WDR55: variants seen among roughly 807,000 people sequenced by gnomAD.
WDR55 encodes the protein WD repeat-containing protein 55.
In WDR55, 31 loss-of-function variants were observed where a neutral mutation model predicts 34.0. The observed-to-expected ratio is 0.91, with a 90% CI of 0.69 to 1.23. The LOEUF is 1.23. WDR55 is among the 50% of genes most tolerant of loss of function. The pLI, the probability that WDR55 is intolerant of heterozygous loss-of-function variation, is 0.00. For synonymous variants in WDR55, 164 were observed against 185.9 expected (o/e 0.88, Z 0.96); for missense variants, 440 against 494.6 (o/e 0.89, Z 1.05).
chr5:140,664,911 G>T lies in WDR55; in HGVS notation c.-2G>T. 1.9e-6 allele frequency: 3 copies of T among 1,596,530 alleles called. No individual in the cohort carries two copies. The South Asian group carries it at 3.4e-5, about 18-fold the overall frequency. ...GCGGCGCGGCTCGCAGTCCTTCTCA[G>T]CATGGACCGCACTTGTGAGGAGAGG... On this transcript the variant is annotated 5_prime_UTR_variant, in exon 1 of 7. Coordinates refer to ENST00000358337, the MANE Select transcript of WDR55 (RefSeq NM_017706.5).
At position 140,668,402 on chromosome 5, in the gene WDR55, AC is replaced by A. The variant is rs763367694; in HGVS notation, c.293-11del. 2.5e-6 allele frequency: 4 copies of A among 1,614,074 alleles called. No individual in the cohort carries two copies. The African/African-American group carries it at 5.3e-5, about 22-fold the overall frequency. On this transcript the variant is annotated splice_polypyrimidine_tract_variant and intron_variant, in intron 2 of 6. Transcript: ENST00000358337. The stretch of plus-strand genomic sequence containing the variant: ...CAGTGAGCAGCACCATGACCTGGGC[AC>A]CTTTTCCCCAGAGCTCATTACTGTC...
In WDR55 at chr5:140,669,008, G is replaced by A. The variant is rs961058679; in HGVS notation, c.660+18G>A. The A allele has an allele frequency of 1.9e-6, 3 of 1,614,088 alleles. No homozygotes were observed. The highest frequency in any genetic ancestry group is 2.5e-6 in the Non-Finnish European group (3 of 1,180,040). ...TCATGAAAGTACAGCTGGTTATGGTGGGATGGAGGGGTGTGTGCTGGGGGC... is the reference window on the plus strand; with the variant it reads ...TCATGAAAGTACAGCTGGTTATGGTAGGATGGAGGGGTGTGTGCTGGGGGC... On this transcript the variant is annotated intron_variant, in intron 5 of 6. Coordinates refer to ENST00000358337, the MANE Select transcript of WDR55 (RefSeq NM_017706.5).
At position 140,671,897 on chromosome 5, in the gene WDR55, C is replaced by A; in HGVS notation, c.*2243C>A. On this transcript the variant is annotated 3_prime_UTR_variant, in exon 7 of 7. Transcript: ENST00000358337. Reference sequence around the variant, plus strand: ...CCATGGGTAAGAAAAGACAATGAAGCCTTCAGCCTCCATTATTTGCAAAGG... The same window carrying A: ...CCATGGGTAAGAAAAGACAATGAAGACTTCAGCCTCCATTATTTGCAAAGG... 1 of 864,300 alleles carries A rather than the reference C, an allele frequency of 1.2e-6. No homozygotes were observed. The highest frequency in any genetic ancestry group is 1.5e-5 in the South Asian group (1 of 66,878). 53.5% of individuals were successfully genotyped at this position (864,300 alleles called of 1,614,324 possible). A position where few individuals can be genotyped will look rare whatever the true frequency, so the allele number is the denominator to read the frequency against.
chr5:140,668,940 C>T lies in WDR55; in HGVS notation c.610C>T (p.Leu204=). ...IFNIKRRRFE[L]LSEPQSGDLT... ...CAACATTAAGAGGCGTCGGTTTGAG[C>T]TGCTCTCAGAACCTCAGTCTGGGGA... The change falls in exon 5 of 7, where the codon CTG becomes TTG. Residue 204 remains leucine (L), a synonymous_variant. Transcript: ENST00000358337. 1 of 1,614,240 alleles carries T rather than the reference C, an allele frequency of 6.2e-7. No individual in the cohort carries two copies.
rs938329117 is a variant in WDR55, at chr5:140,671,000, G to T, written c.*1346G>T. ...AGATTCATGCTAAGCTGTGGCAGAG[G>T]GGGGAAGGTATGATCGGGTGGGGGT... On this transcript the variant is annotated 3_prime_UTR_variant, in exon 7 of 7. Coordinates refer to ENST00000358337, the MANE Select transcript of WDR55 (RefSeq NM_017706.5). 5.8e-6 allele frequency: 3 copies of T among 518,726 alleles called. No homozygotes were observed. The highest frequency in any genetic ancestry group is 3.2e-5 in the Admixed American group (1 of 31,310). The allele number at this position is 518,726 out of a possible 1,614,324, so 32.1% of individuals were successfully genotyped here. A position where few individuals can be genotyped will look rare whatever the true frequency, so the allele number is the denominator to read the frequency against.
intron 1 of WDR55, chr5:140,666,820 G>T: frequency 1.0e-6 from 1 of 985,394 alleles, no homozygotes; most frequent in Non-Finnish European, 1.2e-6. Flanking sequence ...CACTGTTCTG[G>T]AGTGTAATCT....
intron 1 of WDR55, among the ~76,000 whole-genome samples, chr5:140,666,321 G>A (rs887016431): frequency 1.1e-4 from 17 of 152,130 alleles, no homozygotes; most frequent in Non-Finnish European, 2.1e-4. Context: ...GCTTGAACCT[G>A]GGAGGTGGAG....
At position 140,669,884 on chromosome 5, in the gene WDR55, A is replaced by C; in HGVS notation, c.*230A>C. On this transcript the variant is annotated 3_prime_UTR_variant, in exon 7 of 7. Transcript: ENST00000358337. ...GCTGGGACTACAGGTGTGCACTACCACACCAGGCCAATTTTTGTTTTTTTT... is the reference window on the plus strand; with the variant it reads ...GCTGGGACTACAGGTGTGCACTACCCCACCAGGCCAATTTTTGTTTTTTTT... The C allele has an allele frequency of 2.1e-6, 1 of 482,244 alleles. No individual in the cohort carries two copies. The highest frequency in any genetic ancestry group is 3.6e-6 in the Non-Finnish European group (1 of 275,192). The allele number at this position is 482,244 out of a possible 1,614,324, so 29.9% of individuals were successfully genotyped here.
At position 140,671,697 on chromosome 5, in the gene WDR55, G is replaced by C. The variant is rs867899860; in HGVS notation, c.*2043G>C. 1.9e-6 allele frequency: 3 copies of C among 1,585,098 alleles called. No homozygotes were observed. The highest frequency in any genetic ancestry group is 4.6e-5 in the East Asian group (2 of 43,948). ...AGCTGCTGGCGAAGTCGCTGCTTCA[G>C]GTCTGGCTTGAGCCACTCCACAGCC... On this transcript the variant is annotated 3_prime_UTR_variant, in exon 7 of 7. Coordinates refer to ENST00000358337, the MANE Select transcript of WDR55 (RefSeq NM_017706.5).
rs2149815079 is a variant in WDR55 at position 140,671,648 on chromosome 5, G to A, written c.*1994G>A. Reference sequence around the variant, plus strand: ...AGCCAACTGGCTGCCCTCTGGCTGTGGGGACCGCAAGAAGGGACCCACAAG... The same window carrying A: ...AGCCAACTGGCTGCCCTCTGGCTGTAGGGACCGCAAGAAGGGACCCACAAG... On this transcript the variant is annotated 3_prime_UTR_variant, in exon 7 of 7. Transcript: ENST00000358337. The A allele has an allele frequency of 6.3e-7, 1 of 1,580,116 alleles. No individual in the cohort carries two copies. Among genetic ancestry groups the A allele is most frequent in the South Asian group, 1.2e-5 (1 of 86,538 alleles).
intron 1 of WDR55, among the ~76,000 whole-genome samples, chr5:140,665,930 G>A (rs1387507799): frequency 6.6e-6 from 1 of 151,792 alleles, no homozygotes; most frequent in Admixed American, 6.6e-5. Context: ...GGATTCGGGC[G>A]GTGGAGGTTG....
rs546856785 is a variant in WDR55 at position 140,669,032 on chromosome 5, G to C, written c.660+42G>C. 34 of 1,614,118 alleles carry C rather than the reference G, an allele frequency of 2.1e-5. No homozygotes were observed. The South Asian group carries it at 3.6e-4, about 17-fold the overall frequency. On this transcript the variant is annotated intron_variant, in intron 5 of 6. Coordinates refer to ENST00000358337, the MANE Select transcript of WDR55 (RefSeq NM_017706.5). ...TGGGATGGAGGGGTGTGTGCTGGGG[G>C]CTTAGTCTGAGGCAGCTTCCACATT...
chr5:140,668,857 C>T (rs1024279889), intron 4 of WDR55, 34 bp from the exon 5 acceptor site: 69 of 1,613,906 alleles, frequency 4.3e-5, no homozygotes, highest in Non-Finnish European at 5.8e-5. Flanking sequence ...TCAAATAGAC[C>T]TTGCGTCTAA....
chr5:140,666,954 A>G, intron 1 of WDR55: 7 of 985,494 alleles, frequency 7.1e-6, no homozygotes, highest in Non-Finnish European at 8.4e-6. Flanking sequence ...TGTTATGCTT[A>G]TCAGATTTAC....
chr5:140,665,242 C>T (rs1039159488), intron 1 of WDR55, 139 bp downstream of exon 1: 4 of 717,936 alleles, frequency 5.6e-6, no homozygotes, highest in Admixed American at 6.3e-5. Flanking sequence ...TAACATTCGG[C>T]TCTTCTATCA....
chr5:140,669,668 A>C lies in WDR55; in HGVS notation c.*14A>C. 20 of 1,605,740 alleles carry C rather than the reference A, an allele frequency of 1.2e-5. No individual in the cohort carries two copies. The highest frequency in any genetic ancestry group is 1.7e-5 in the Non-Finnish European group (20 of 1,174,688). The stretch of plus-strand genomic sequence containing the variant: ...GACAGTGACTGAAGGAATGAATTGA[A>C]TCTTGAGACGGGTCCTCACCAGGCA... On this transcript the variant is annotated 3_prime_UTR_variant, in exon 7 of 7. Coordinates refer to ENST00000358337, the MANE Select transcript of WDR55 (RefSeq NM_017706.5).
In WDR55 at chr5:140,669,263, G is replaced by C; in HGVS notation, c.830+15G>C. 6.2e-7 allele frequency: 1 copy of C among 1,613,462 alleles called. No individual in the cohort carries two copies. Among genetic ancestry groups the C allele is most frequent in the Non-Finnish European group, 8.5e-7 (1 of 1,179,948 alleles). ...GGAGTCATCAGGTGAGGGAAGCCTG[G>C]ACAGCCCTTAGGTCACAGGAAGGGC... On this transcript the variant is annotated intron_variant, in intron 6 of 6. Transcript: ENST00000358337.
Position 140,671,202 on chromosome 5 carries a change from G to T in WDR55, c.*1548G>T, listed in dbSNP as rs1409176076. On this transcript the variant is annotated 3_prime_UTR_variant, in exon 7 of 7. Transcript: ENST00000358337. ...GGCCCATGCCCCTCCCCACCTTTGG[G>T]GGTCAGAAAGTGGCCACCCAGGCCT... is the stretch of plus-strand genomic sequence containing the variant. 3 of 1,540,324 alleles carry T rather than the reference G, an allele frequency of 1.9e-6. No homozygotes were observed. The Admixed American group carries it at 5.1e-5, about 26-fold the overall frequency.
Position 140,665,079 on chromosome 5 carries a change from G to C in WDR55, c.167G>C (p.Gly56Ala), listed in dbSNP as rs1757884760. The C allele has an allele frequency of 5.0e-6, 8 of 1,606,922 alleles. No individual in the cohort carries two copies. The highest frequency in any genetic ancestry group is 1.1e-5 in the South Asian group (1 of 90,200). Residue 56 changes from glycine (G) to alanine (A), a missense_variant, in exon 1 of 7, where the codon GGG becomes GCG. Coordinates refer to ENST00000358337, the MANE Select transcript of WDR55 (RefSeq NM_017706.5). ...FHPARDLLAA[G>A]DVDGDVFVFS... The stretch of plus-strand genomic sequence containing the variant: ...CCGGCCCGTGACCTACTGGCTGCAG[G>C]GGACGTGGACGGGGACGTGTTCGTG...
Sources: gnomAD v4.1 joint callset for allele counts (sites outside exome capture counted in the v4.1 genomes callset) on GRCh38, gnomAD v4.1.1 for gene constraint, MANE v1.5 for transcripts, NCBI Gene and HGNC (gene_info 2026-07-23, HGNC 2026-07-21) for gene names.